ANK3: variants seen among roughly 807,000 people sequenced by gnomAD.
The protein encoded by ANK3 is ankyrin 3, also known as ankyrin-3.
In ANK3, 57 loss-of-function variants were observed where a neutral mutation model predicts 370.9. That is an observed-to-expected ratio of 0.15 (90% confidence interval 0.12 to 0.19). ANK3 has a LOEUF of 0.19. Ranked by LOEUF, ANK3 falls within the 10% of genes least tolerant of loss-of-function variation. ANK3 has a pLI of 1.00. For synonymous variants in ANK3, 1,929 were observed against 1,946.3 expected (o/e 0.99, Z 0.23); for missense variants, 4,439 against 5,302.1 (o/e 0.84, Z 5.06).
intron 23 of ANK3, among the ~76,000 whole-genome samples, chr10:60,149,956 G>A (rs1382598808): frequency 2.0e-5 from 3 of 152,112 alleles, no homozygotes; most frequent in East Asian, 1.9e-4. Flanking sequence ...TGATCCATCC[G>A]CCTCACCCTC....
chr10:60,167,690 T>G (rs1017493250), intron 21 of ANK3, among the ~76,000 whole-genome samples: 12 of 152,000 alleles, frequency 7.9e-5, no homozygotes, highest in Non-Finnish European at 2.9e-5. Flanking sequence ...TTTTTAATTC[T>G]CAGCATATGA....
chr10:60,230,729 A>C (rs1380540794), intron 8 of ANK3, among the ~76,000 whole-genome samples: 4 of 152,190 alleles, frequency 2.6e-5, no homozygotes. Flanking sequence ...TCTCTACTAA[A>C]AATACAAAAA....
chr10:60,709,464 G>T (rs1003941242), intron 1 of ANK3, among the ~76,000 whole-genome samples: 2 of 152,062 alleles, frequency 1.3e-5, no homozygotes, highest in Non-Finnish European at 2.9e-5. Context: ...TTGACTGGAA[G>T]CCTTACCAAT....
At chr10:60,598,979 A>C (rs569978996) in intron 2 of ANK3, among the ~76,000 whole-genome samples, 8 of 152,232 alleles carry the variant, frequency 5.3e-5, no homozygotes, top group African/African-American at 1.9e-4. Flanking sequence ...CCCAGGCTGG[A>C]GTACAGTGGC....
At chr10:60,484,240 A>G (rs2075294415) in intron 2 of ANK3, among the ~76,000 whole-genome samples, 1 of 152,210 alleles carries the variant, frequency 6.6e-6, no homozygotes, top group African/African-American at 2.4e-5. Context: ...ATGAGAGACA[A>G]CCTTAGATGA....
intron 18 of ANK3, among the ~76,000 whole-genome samples, chr10:60,175,434 A>T (rs919727056): frequency 3.3e-5 from 5 of 152,110 alleles, no homozygotes; most frequent in African/African-American, 1.2e-4. Context: ...AAGACTCCCT[A>T]TTTTTTTCTT....
intron 8 of ANK3, among the ~76,000 whole-genome samples, chr10:60,217,952 A>G (rs187715880): frequency 6.6e-6 from 1 of 152,280 alleles, no homozygotes; most frequent in African/African-American, 2.4e-5. Context: ...TTGGGTGCCT[A>G]TATATTTAGA....
At chr10:60,056,064 A>G (rs748838259) in intron 41 of ANK3, 28 bp from the exon 42 acceptor site, 2 of 1,575,988 alleles carry the variant, frequency 1.3e-6, no homozygotes, top group Non-Finnish European at 1.7e-6. Context: ...CAAATTCACA[A>G]TGGCAAACTA....
At chr10:60,603,164 C>G (rs948111004) in intron 2 of ANK3, among the ~76,000 whole-genome samples, 2 of 152,128 alleles carry the variant, frequency 1.3e-5, no homozygotes, top group Admixed American at 1.3e-4. Context: ...CTCCACTTTT[C>G]TATGAATAAC....
intron 2 of ANK3, among the ~76,000 whole-genome samples, chr10:60,541,121 G>T (rs2076837853): frequency 6.6e-6 from 1 of 151,846 alleles, no homozygotes; most frequent in Non-Finnish European, 1.5e-5. Flanking sequence ...GGAAAAAAAG[G>T]AAACCTTCAG....
chr10:60,460,653 T>C (rs918591261), intron 2 of ANK3, among the ~76,000 whole-genome samples: 11 of 152,304 alleles, frequency 7.2e-5, no homozygotes, highest in East Asian at 1.9e-4. Flanking sequence ...AGAAAGTGTC[T>C]TAGTTCTCCG....
chr10:60,620,024 T>C (rs1450144193), intron 1 of ANK3, among the ~76,000 whole-genome samples: 1 of 152,206 alleles, frequency 6.6e-6, no homozygotes, highest in East Asian at 1.9e-4. Flanking sequence ...GGCCAAATCA[T>C]GCCTGCATTT....
chr10:60,208,004 CTG>C (rs1350262525), intron 10 of ANK3, 30 bp downstream of exon 10: 1 of 1,596,268 alleles, frequency 6.3e-7, no homozygotes. Context: ...AGCAAGACAA[CTG>C]AGGCTGGACT....
chr10:60,555,959 C>A (rs1418177830), intron 2 of ANK3, among the ~76,000 whole-genome samples: 1 of 152,136 alleles, frequency 6.6e-6, no homozygotes, highest in African/African-American at 2.4e-5. Flanking sequence ...ATTCATCAGG[C>A]CTTTATGAAA....
chr10:60,075,471 G>A lies in ANK3; in HGVS notation c.5410C>T (p.Leu1804Phe). ...TPSASALYTS[L>F]GSSISATTSS... The stretch of plus-strand genomic sequence containing the variant: ...GTAGTTGCAGATATTGACGACCCAA[G>A]GGATGTATAGAGTGCACTTGCGGAA... Residue 1804 changes from leucine (L) to phenylalanine (F), a missense_variant, in exon 37 of 44, where the codon CTT (leucine) becomes TTT (phenylalanine). Leu to Phe is a conservative substitution (Grantham distance 22, BLOSUM62 0). Transcript: ENST00000280772. 6.2e-7 allele frequency: 1 copy of A among 1,612,674 alleles called. No homozygotes were observed. Among genetic ancestry groups the A allele is most frequent in the Non-Finnish European group, 8.5e-7 (1 of 1,179,996 alleles).
chr10:60,347,024 T>C (rs971292900), intron 1 of ANK3, among the ~76,000 whole-genome samples: 1 of 64,312 alleles, frequency 1.6e-5, no homozygotes, highest in African/African-American at 4.2e-5. Context: ...CTAGTATGTA[T>C]GTACAGTACT....
intron 1 of ANK3, among the ~76,000 whole-genome samples, chr10:60,332,965 T>G (rs1292948588): frequency 6.6e-6 from 1 of 152,148 alleles, no homozygotes; most frequent in African/African-American, 2.4e-5. Context: ...TTAGGCTAAT[T>G]AGCAGGGTCT....
rs1381387577 is a variant in ANK3 at position 60,353,282 on chromosome 10, G to A, written c.114+36143C>T. 4.6e-5 allele frequency among the ~76,000 whole-genome samples: 7 copies of A among 151,266 alleles called. No individual in the cohort carries two copies. In the East Asian group the frequency reaches 5.8e-4, roughly 13 times the overall value. ...TGCTGGGATTACAGGCATGAGCCAC[G>A]GTGCCTGGAGGAACTGTGAATCTTA... On this transcript the variant is annotated intron_variant, in intron 1 of 43. Coordinates refer to ENST00000280772, the MANE Select transcript of ANK3 (RefSeq NM_020987.5).
chr10:60,463,975 T>C (rs1450975858), intron 2 of ANK3, among the ~76,000 whole-genome samples: 1 of 151,936 alleles, frequency 6.6e-6, no homozygotes, highest in Non-Finnish European at 1.5e-5. Context: ...AGAAATGTAA[T>C]CCACTAAAAC....
Sources: gnomAD v4.1 joint callset for allele counts (sites outside exome capture counted in the v4.1 genomes callset) on GRCh38, gnomAD v4.1.1 for gene constraint, MANE v1.5 for transcripts, NCBI Gene and HGNC (gene_info 2026-07-23, HGNC 2026-07-21) for gene names.